Variants in ADGRE2 observed in about 807,000 individuals in gnomAD.
The protein encoded by ADGRE2 is adhesion G protein-coupled receptor E2.
ADGRE2 carries 83 observed loss-of-function variants against 100.8 expected under a neutral mutation model. The ratio of observed to expected loss-of-function variants is 0.82; its 90% CI spans 0.69 to 0.99. The LOEUF (loss-of-function observed/expected upper bound fraction) is 0.99, where lower values mean the gene tolerates loss of function less well. ADGRE2 is among the 50% of genes least tolerant of loss of function. The pLI, the probability that ADGRE2 is intolerant of heterozygous loss-of-function variation, is 0.00. For synonymous variants in ADGRE2, 355 were observed against 413.0 expected (o/e 0.86, Z 1.70); for missense variants, 814 against 1,035.7 (o/e 0.79, Z 2.94).
chr19:14,773,080 C>CAAAAAAAAAAAAAAAAAAAAAAAAAA (rs35688921), intron 4 of ADGRE2, among the ~76,000 whole-genome samples: 2 of 45,846 alleles, frequency 4.4e-5, no homozygotes, highest in Non-Finnish European at 7.1e-5. Flanking sequence ...GACTCCATCT[C>CAAAAAAAAAAAAAAAAAAAAAAAAAA]AAAAAAAAAA....
At chr19:14,741,095 T>TG (rs1047776394) in intron 20 of ADGRE2, among the ~76,000 whole-genome samples, 22 of 68,368 alleles carry the variant, frequency 3.2e-4, no homozygotes, top group African/African-American at 9.3e-4. Context: ...TAGGCTGTTT[T>TG]TTTTTTTTTT....
downstream of ADGRE2, among the ~76,000 whole-genome samples, chr19:14,730,399 C>T (rs1207944553): frequency 9.4e-6 from 1 of 106,222 alleles, no homozygotes; most frequent in Non-Finnish European, 2.2e-5. Context: ...TTCCCAGCCC[C>T]TTCTCTCTTA....
rs1019066051 is a variant in ADGRE2 at position 14,734,067 on chromosome 19, C to T, written c.*2169G>A. 6.6e-6 allele frequency: 1 copy of T among 152,082 alleles called. No homozygotes were observed. Among genetic ancestry groups the T allele is most frequent in the African/African-American group, 2.4e-5 (1 of 41,398 alleles). The allele number at this position is 152,082 out of a possible 1,614,324, so 9.4% of individuals were successfully genotyped here. A position where few individuals can be genotyped will look rare whatever the true frequency, so the allele number is the denominator to read the frequency against. ...TGTTTTGGTTCTTATAAAAAGGTGC[C>T]CAGAGGATGGAGATGGTAGGTAGTG... On this transcript the variant is annotated 3_prime_UTR_variant, in exon 21 of 21. Coordinates refer to ENST00000315576, the MANE Select transcript of ADGRE2 (RefSeq NM_013447.4).
At chr19:14,767,428 A>T (rs1042003868) in intron 5 of ADGRE2, among the ~76,000 whole-genome samples, 2 of 151,574 alleles carry the variant, frequency 1.3e-5, no homozygotes, top group Non-Finnish European at 2.9e-5. Context: ...TTAGTATTAG[A>T]CGGGGTTTCA....
intron 2 of ADGRE2, among the ~76,000 whole-genome samples, chr19:14,775,849 G>C (rs1363272489): frequency 1.6e-5 from 2 of 128,956 alleles, no homozygotes; most frequent in Non-Finnish European, 3.2e-5. Flanking sequence ...ACAGAGCAAG[G>C]CTCCGCCTCA....
chr19:14,770,135 G>A (rs2044144248), intron 5 of ADGRE2, among the ~76,000 whole-genome samples: 1 of 152,104 alleles, frequency 6.6e-6, no homozygotes, highest in Non-Finnish European at 1.5e-5. Context: ...TGGAGATGGA[G>A]CCTCGTGGGA....
Position 14,769,945 on chromosome 19 carries a change from A to G in ADGRE2, c.355+2397T>C, listed in dbSNP as rs545544414. 2.3e-3 allele frequency among the ~76,000 whole-genome samples: 354 copies of G among 152,172 alleles called. 4 individuals are homozygous for G. The highest frequency in any genetic ancestry group is 4.4e-3 in the Non-Finnish European group (296 of 67,988). On this transcript the variant is annotated intron_variant, in intron 5 of 20. Transcript: ENST00000315576. The stretch of plus-strand genomic sequence containing the variant: ...GATCTCCTGACCTTGTGATCCGCCC[A>G]CCTCGGCCTCCCAAAGTGCTAGGAT...
At chr19:14,725,770 C>T in the ADGRE2 span, among the ~76,000 whole-genome samples, 1 of 152,358 alleles carries the variant, frequency 6.6e-6, no homozygotes, top group East Asian at 1.9e-4. Flanking sequence ...CTTTGGGCAG[C>T]TCCAGCCCTG....
At chr19:14,760,021 T>A (rs2043659395) in intron 11 of ADGRE2, among the ~76,000 whole-genome samples, 2 of 152,070 alleles carry the variant, frequency 1.3e-5, no homozygotes, top group African/African-American at 4.8e-5. Context: ...GGTTTCACCC[T>A]GTTAGCCAGG....
chr19:14,746,796 C>G (rs1362800421), intron 17 of ADGRE2, 100 bp downstream of exon 17: 1 of 1,156,370 alleles, frequency 8.6e-7, no homozygotes, highest in Non-Finnish European at 1.2e-6. Context: ...CAACCCATGA[C>G]AACCCAGGGG....
At chr19:14,749,190 C>A (rs1046422436) in intron 16 of ADGRE2, among the ~76,000 whole-genome samples, 2 of 104,830 alleles carry the variant, frequency 1.9e-5, no homozygotes, top group Non-Finnish European at 3.7e-5. Context: ...AATTATATAA[C>A]CATATAATTA....
chr19:14,774,513 GT>G (rs1178018057), intron 2 of ADGRE2, among the ~76,000 whole-genome samples: 2 of 151,288 alleles, frequency 1.3e-5, no homozygotes, highest in East Asian at 2.0e-4. Flanking sequence ...GGTGGGTTTT[GT>G]TTTGTTTTGT....
chr19:14,763,045 A>G (rs1047707698), intron 11 of ADGRE2, among the ~76,000 whole-genome samples: 1 of 152,174 alleles, frequency 6.6e-6, no homozygotes, highest in African/African-American at 2.4e-5. Context: ...TGCTTTAAAA[A>G]TTATTATGCA....
chr19:14,774,480 G>T (rs999807368), intron 2 of ADGRE2, among the ~76,000 whole-genome samples, 174 bp from the exon 3 acceptor site: 8 of 151,676 alleles, frequency 5.3e-5, no homozygotes, highest in Non-Finnish European at 1.0e-4. Context: ...AAGCCAGAGA[G>T]TCTGTCACCC....
Position 14,751,727 on chromosome 19 carries a change from G to A in ADGRE2, c.1789-56C>T, listed in dbSNP as rs977970355. The A allele has an allele frequency of 4.7e-6, 6 of 1,272,018 alleles. No homozygotes were observed. In the African/African-American group the frequency reaches 7.5e-5, roughly 16 times the overall value. The allele number at this position is 1,272,018 out of a possible 1,614,324, so 78.8% of individuals were successfully genotyped here. A position where few individuals can be genotyped will look rare whatever the true frequency, so the allele number is the denominator to read the frequency against. Reference sequence around the variant, plus strand: ...GCGATCAGATTTGAGTGTGGCCCATGGCTTCTCCTGTACCATGTTGTTGGG... The same window carrying A: ...GCGATCAGATTTGAGTGTGGCCCATAGCTTCTCCTGTACCATGTTGTTGGG... On this transcript the variant is annotated intron_variant, in intron 15 of 20. Transcript: ENST00000315576.
chr19:14,736,669 T>TAG (rs1469747661), intron 20 of ADGRE2, among the ~76,000 whole-genome samples: 28 of 143,808 alleles, frequency 1.9e-4, no homozygotes, highest in East Asian at 6.4e-4. Context: ...TTTCTAAATA[T>TAG]ATATATTTAG....
intron 6 of ADGRE2, 111 bp downstream of exon 6, chr19:14,766,867 C>T (rs977107411): frequency 6.2e-6 from 8 of 1,283,804 alleles, no homozygotes; most frequent in African/African-American, 3.1e-5. Context: ...GGTCCTTGAC[C>T]TTGTGGGAAC....
intron 11 of ADGRE2, 85 bp from the exon 12 acceptor site, chr19:14,756,430 C>T: frequency 3.7e-6 from 3 of 813,792 alleles, no homozygotes; most frequent in Non-Finnish European, 6.3e-6. Flanking sequence ...AATATATATA[C>T]TATATACATA....
At chr19:14,752,623 C>T in intron 14 of ADGRE2, 97 bp from the exon 15 acceptor site, 4 of 1,418,576 alleles carry the variant, frequency 2.8e-6, no homozygotes, top group Non-Finnish European at 3.9e-6. Flanking sequence ...ATAGCACATT[C>T]AAGAATGAGG....
Sources: gnomAD v4.1 joint callset for allele counts (sites outside exome capture counted in the v4.1 genomes callset) on GRCh38, gnomAD v4.1.1 for gene constraint, MANE v1.5 for transcripts, NCBI Gene and HGNC (gene_info 2026-07-23, HGNC 2026-07-21) for gene names.